Variants in GPC5 observed in about 807,000 individuals in gnomAD.
GPC5 encodes glypican-5.
GPC5 carries 47 observed loss-of-function variants against 53.9 expected under a neutral mutation model. The observed-to-expected ratio is 0.87, with a 90% CI of 0.69 to 1.11. The LOEUF is 1.11. Ranked by LOEUF, GPC5 falls within the 50% of genes most tolerant of loss-of-function variation. The pLI is 0.00. For missense variants in GPC5, 748 were observed against 713.1 expected (o/e 1.05, Z -0.56); for synonymous variants, 286 against 263.3 (o/e 1.09, Z -0.84).
chr13:92,019,928 C>T (rs891208523), intron 6 of GPC5, among the ~76,000 whole-genome samples: 3 of 152,006 alleles, frequency 2.0e-5, no homozygotes, highest in Admixed American at 6.6e-5. Context: ...AAATTATTAT[C>T]TTATAATTCT....
chr13:91,818,365 T>A (rs545926584), intron 5 of GPC5, among the ~76,000 whole-genome samples: 13 of 152,210 alleles, frequency 8.5e-5, no homozygotes, highest in Non-Finnish European at 1.6e-4. Flanking sequence ...AACACCCAAC[T>A]TTTTATCTCA....
At chr13:91,753,526 T>A (rs1251000670) in intron 4 of GPC5, among the ~76,000 whole-genome samples, 1 of 152,178 alleles carries the variant, frequency 6.6e-6, no homozygotes. Context: ...CCTGCTCAGG[T>A]TATAGCCACC....
intron 7 of GPC5, among the ~76,000 whole-genome samples, chr13:92,253,839 G>A (rs947841772): frequency 6.6e-6 from 1 of 152,052 alleles, no homozygotes; most frequent in South Asian, 2.1e-4. Flanking sequence ...GAGAGACCAA[G>A]ATTAAAATAT....
At chr13:91,522,851 T>G (rs1254861591) in intron 2 of GPC5, among the ~76,000 whole-genome samples, 1 of 151,850 alleles carries the variant, frequency 6.6e-6, no homozygotes, top group Admixed American at 6.6e-5. Flanking sequence ...GAACTCATCC[T>G]TTTTTTGGCT....
chr13:91,637,609 G>A (rs1476013162), intron 2 of GPC5, among the ~76,000 whole-genome samples: 1 of 152,134 alleles, frequency 6.6e-6, no homozygotes, highest in Non-Finnish European at 1.5e-5. Flanking sequence ...ACGAACAGGA[G>A]AAACGGCTTA....
At chr13:91,486,454 AG>A (rs758141222) in intron 2 of GPC5, 4 of 152,188 alleles carry the variant, frequency 2.6e-5, no homozygotes, top group Non-Finnish European at 5.9e-5. Flanking sequence ...GGTTTTCTTT[AG>A]GGGTCTTTCT....
Position 92,559,330 on chromosome 13 carries a change from ATGTGTGTGTGTGTG to A in GPC5, c.1562-306926_1562-306913del, listed in dbSNP as rs5805755. Among the ~76,000 whole-genome samples the A allele has an allele frequency of 1.0e-4, 15 of 143,122 alleles. 1 individual carries two copies. Among genetic ancestry groups the A allele is most frequent in the South Asian group, 7.0e-4 (3 of 4,310 alleles). 93.9% of individuals were successfully genotyped at this position (143,122 alleles called of 152,430 possible). On this transcript the variant is annotated intron_variant, in intron 7 of 7. Transcript: ENST00000377067. The stretch of plus-strand genomic sequence containing the variant: ...TTCAGATGCTCTTTGTAGTGTGTAT[ATGTGTGTGTGTGTG>A]TGTGTGTGTGTGTGTGTGTGTGTGT...
At chr13:92,835,476 G>GAA (rs1374923878) in intron 7 of GPC5, among the ~76,000 whole-genome samples, 2 of 151,862 alleles carry the variant, frequency 1.3e-5, no homozygotes, top group African/African-American at 4.8e-5. Context: ...GCAACTTAAG[G>GAA]AAAGCTCTCC....
chr13:91,398,940 C>A lies in GPC5; in HGVS notation c.-107C>A. On this transcript the variant is annotated 5_prime_UTR_variant, in exon 1 of 8. Coordinates refer to ENST00000377067, the MANE Select transcript of GPC5 (RefSeq NM_004466.6). ...GTCCGTACACCCCGCAGCCGGCTCG[C>A]ACCGCTCGAGAGCCTCGGCCGCTGT... 7.1e-7 allele frequency: 1 copy of A among 1,410,226 alleles called. No individual in the cohort carries two copies. The highest frequency in any genetic ancestry group is 9.4e-7 in the Non-Finnish European group (1 of 1,064,576). The allele number at this position is 1,410,226 out of a possible 1,614,324, so 87.4% of individuals were successfully genotyped here. A position where few individuals can be genotyped will look rare whatever the true frequency, so the allele number is the denominator to read the frequency against.
At chr13:92,014,549 A>G (rs908511049) in intron 6 of GPC5, among the ~76,000 whole-genome samples, 9 of 152,072 alleles carry the variant, frequency 5.9e-5, no homozygotes, top group African/African-American at 2.2e-4. Flanking sequence ...AATGGAATCT[A>G]TTGCTTGAGA....
At position 91,838,735 on chromosome 13, in the gene GPC5, A is replaced by G. The variant is rs545765253; in HGVS notation, c.1281-69202A>G. Among the ~76,000 whole-genome samples the G allele has an allele frequency of 1.8e-4, 27 of 152,304 alleles. No homozygotes were observed. In the South Asian group the frequency reaches 1.9e-3, roughly 11 times the overall value. Reference sequence around the variant, plus strand: ...TGAGTTAGGAGGCACTGTCGTCGCTATGCAAGGGACAGCAGCAGGTCAGAA... The same window carrying G: ...TGAGTTAGGAGGCACTGTCGTCGCTGTGCAAGGGACAGCAGCAGGTCAGAA... On this transcript the variant is annotated intron_variant, in intron 5 of 7. Transcript: ENST00000377067.
intron 7 of GPC5, among the ~76,000 whole-genome samples, chr13:92,378,375 AAGG>A (rs1352162938): frequency 1.3e-5 from 2 of 152,208 alleles, no homozygotes; most frequent in African/African-American, 4.8e-5. Flanking sequence ...TCATCATGAA[AAGG>A]AGGTTGGAAT....
chr13:91,704,298 A>G (rs1048179802), intron 3 of GPC5, among the ~76,000 whole-genome samples: 1 of 152,064 alleles, frequency 6.6e-6, no homozygotes, highest in Admixed American at 6.6e-5. Context: ...TCATCTAAGT[A>G]CCACCTCTAT....
chr13:92,010,732 T>C (rs1156575821), intron 6 of GPC5, among the ~76,000 whole-genome samples: 1 of 152,150 alleles, frequency 6.6e-6, no homozygotes, highest in Non-Finnish European at 1.5e-5. Flanking sequence ...AATGGTCATC[T>C]CTTGTTGTGT....
intron 7 of GPC5, among the ~76,000 whole-genome samples, chr13:92,333,569 A>G (rs2043302507): frequency 1.3e-5 from 2 of 152,046 alleles, no homozygotes; most frequent in Admixed American, 6.6e-5. Context: ...TTCACTTCTG[A>G]TGTCTGGAGG....
chr13:92,443,088 G>T lies in GPC5; in HGVS notation c.1561+298099G>T, dbSNP rs113124629. Among the ~76,000 whole-genome samples, 584 of 152,250 alleles carry T rather than the reference G, an allele frequency of 3.8e-3. 6 individuals are homozygous for T. The highest frequency in any genetic ancestry group is 0.014 in the African/African-American group (565 of 41,550). On this transcript the variant is annotated intron_variant, in intron 7 of 7. Coordinates refer to ENST00000377067, the MANE Select transcript of GPC5 (RefSeq NM_004466.6). ...TGGCACCAGCATCTGCTTCTGGTGA[G>T]GCCTCAAGAAGCTTATAATCATGAT... is the stretch of plus-strand genomic sequence containing the variant.
At chr13:91,426,038 A>G (rs1879020242) in intron 1 of GPC5, among the ~76,000 whole-genome samples, 2 of 152,132 alleles carry the variant, frequency 1.3e-5, no homozygotes, top group Admixed American at 6.5e-5. Flanking sequence ...CTTGAGAGAG[A>G]TGATCTGAAA....
At chr13:92,043,366 T>A (rs2040956594) in intron 6 of GPC5, among the ~76,000 whole-genome samples, 1 of 152,104 alleles carries the variant, frequency 6.6e-6, no homozygotes, top group African/African-American at 2.4e-5. Context: ...AAAGCTTGTT[T>A]AAACCAGGGG....
chr13:91,411,697 C>T (rs932502737), intron 1 of GPC5, among the ~76,000 whole-genome samples: 2 of 152,156 alleles, frequency 1.3e-5, no homozygotes, highest in Non-Finnish European at 2.9e-5. Flanking sequence ...GACCTCACCT[C>T]GGTTATTAGC....
Sources: gnomAD v4.1 joint callset for allele counts (sites outside exome capture counted in the v4.1 genomes callset) on GRCh38, gnomAD v4.1.1 for gene constraint, MANE v1.5 for transcripts, NCBI Gene and HGNC (gene_info 2026-07-23, HGNC 2026-07-21) for gene names.